The following DLG2 variants were observed in gnomAD, a reference collection of about 807,000 sequenced individuals.
DLG2 encodes the protein discs large MAGUK scaffold protein 2, also known as disks large homolog 2.
DLG2 carries 45 observed loss-of-function variants against 132.5 expected under a neutral mutation model. The ratio of observed to expected loss-of-function variants is 0.34; its 90% CI spans 0.27 to 0.44. The LOEUF is 0.44. DLG2 is among the 20% of genes least tolerant of loss of function. The pLI, the probability that DLG2 is intolerant of heterozygous loss-of-function variation, is 1.00. For missense variants in DLG2, 1,045 were observed against 1,196.9 expected (o/e 0.87, Z 1.87); for synonymous variants, 424 against 419.6 (o/e 1.01, Z -0.13).
intron 17 of DLG2, among the ~76,000 whole-genome samples, chr11:83,817,121 C>T (rs2049226167): frequency 6.6e-6 from 1 of 152,050 alleles, no homozygotes; most frequent in Non-Finnish European, 1.5e-5. Context: ...AAGCATTGTC[C>T]TGGCTTACAA....
rs536492103 is a variant in DLG2 at position 84,797,237 on chromosome 11, G to A, written c.358-262506C>T. ...TTGGGTTAAATCTGCTTGGTATTCT[G>A]TAACCTTCTAGGACTTGAATGTTTA... On this transcript the variant is annotated intron_variant, in intron 6 of 27. Coordinates refer to ENST00000376104, the MANE Select transcript of DLG2 (RefSeq NM_001142699.3). 2.0e-5 allele frequency among the ~76,000 whole-genome samples: 3 copies of A among 152,228 alleles called. No individual in the cohort carries two copies. In the South Asian group the frequency reaches 6.2e-4, roughly 32 times the overall value.
chr11:84,947,276 G>A (rs1013080460), intron 6 of DLG2, among the ~76,000 whole-genome samples: 1 of 152,086 alleles, frequency 6.6e-6, no homozygotes, highest in African/African-American at 2.4e-5. Context: ...CAGGGGTAGG[G>A]GGCGATCACT....
chr11:84,393,963 G>A (rs1487489489), intron 7 of DLG2, among the ~76,000 whole-genome samples: 2 of 151,958 alleles, frequency 1.3e-5, no homozygotes, highest in Non-Finnish European at 2.9e-5. Context: ...TTGGCTAACT[G>A]CAACCTCCAC....
At chr11:85,313,263 TG>T (rs2080431472) in intron 3 of DLG2, among the ~76,000 whole-genome samples, 2 of 152,016 alleles carry the variant, frequency 1.3e-5, no homozygotes, top group African/African-American at 4.8e-5. Flanking sequence ...ACCTACTTGT[TG>T]AAGATGGCAA....
intron 5 of DLG2, among the ~76,000 whole-genome samples, chr11:85,142,612 G>T (rs2076570417): frequency 6.6e-6 from 1 of 151,652 alleles, no homozygotes; most frequent in Non-Finnish European, 1.5e-5. Flanking sequence ...GAATAGCAGT[G>T]GTAAAAATGG....
chr11:83,503,077 A>T (rs761122586), intron 21 of DLG2, among the ~76,000 whole-genome samples: 8 of 151,906 alleles, frequency 5.3e-5, no homozygotes, highest in Non-Finnish European at 1.2e-4. Context: ...AATGACAGAG[A>T]TTTCTAAGTT....
At chr11:84,628,997 GC>G (rs1184967509) in intron 6 of DLG2, among the ~76,000 whole-genome samples, 1 of 152,140 alleles carries the variant, frequency 6.6e-6, no homozygotes, top group Non-Finnish European at 1.5e-5. Flanking sequence ...GTCTAGAACA[GC>G]CCCCATAGCT....
At chr11:85,617,693 G>T (rs182240799) in intron 2 of DLG2, among the ~76,000 whole-genome samples, 9 of 152,242 alleles carry the variant, frequency 5.9e-5, no homozygotes, top group African/African-American at 1.7e-4. Flanking sequence ...CCTTTTAAAA[G>T]AATTTTAGCT....
At chr11:85,499,941 A>G (rs2093758384) in intron 3 of DLG2, among the ~76,000 whole-genome samples, 2 of 152,186 alleles carry the variant, frequency 1.3e-5, no homozygotes, top group African/African-American at 4.8e-5. Context: ...TCAATGGAAC[A>G]TATCTCAATA....
chr11:83,580,255 G>T (rs2096947774), intron 19 of DLG2, among the ~76,000 whole-genome samples: 2 of 151,474 alleles, frequency 1.3e-5, no homozygotes, highest in East Asian at 3.9e-4. Flanking sequence ...CCTCTACTTT[G>T]GTTCCTTCCT....
chr11:85,599,873 A>C (rs1189941944), intron 2 of DLG2, among the ~76,000 whole-genome samples: 1 of 152,230 alleles, frequency 6.6e-6, no homozygotes, highest in Non-Finnish European at 1.5e-5. Flanking sequence ...TGAAAAAGTC[A>C]CTAGAGTTAT....
chr11:84,940,742 A>G (rs1005833817), intron 6 of DLG2, among the ~76,000 whole-genome samples: 2 of 152,042 alleles, frequency 1.3e-5, no homozygotes, highest in African/African-American at 4.8e-5. Flanking sequence ...ATGTGATCCT[A>G]TTTTACATTT....
intron 6 of DLG2, among the ~76,000 whole-genome samples, chr11:84,552,566 T>C (rs150241420): frequency 3.3e-5 from 5 of 152,328 alleles, no homozygotes; most frequent in South Asian, 2.1e-4. Context: ...TCAGAACTCA[T>C]AGTTACCTGT....
At chr11:84,519,327 G>A (rs748814728) in intron 7 of DLG2, among the ~76,000 whole-genome samples, 24 of 152,140 alleles carry the variant, frequency 1.6e-4, no homozygotes, top group Non-Finnish European at 3.5e-4. Flanking sequence ...TTAGCAAGTT[G>A]ATGGGGCAAT....
chr11:85,548,122 T>C (rs960811284), intron 3 of DLG2, among the ~76,000 whole-genome samples: 2 of 152,186 alleles, frequency 1.3e-5, no homozygotes, highest in Non-Finnish European at 2.9e-5. Flanking sequence ...TCTTCATGGA[T>C]TTATTTACCT....
chr11:85,562,351 G>A (rs1449101144), intron 3 of DLG2, among the ~76,000 whole-genome samples: 2 of 151,762 alleles, frequency 1.3e-5, no homozygotes, highest in Non-Finnish European at 2.9e-5. Flanking sequence ...GTATCAGTGA[G>A]AAGAGAAAAT....
At chr11:85,134,957 T>C (rs2152419598) in intron 5 of DLG2, among the ~76,000 whole-genome samples, 1 of 152,314 alleles carries the variant, frequency 6.6e-6, no homozygotes, top group African/African-American at 2.4e-5. Flanking sequence ...TCTGGTCCAT[T>C]CCATTAGGTA....
At chr11:85,565,039 A>G (rs1001139774) in intron 3 of DLG2, among the ~76,000 whole-genome samples, 2 of 152,016 alleles carry the variant, frequency 1.3e-5, no homozygotes, top group Non-Finnish European at 2.9e-5. Flanking sequence ...TATCACCAGT[A>G]TATAAAACAA....
intron 18 of DLG2, among the ~76,000 whole-genome samples, chr11:83,649,855 T>A (rs931212251): frequency 3.3e-5 from 5 of 152,196 alleles, no homozygotes; most frequent in African/African-American, 1.2e-4. Flanking sequence ...TTTCTATAGA[T>A]ATTCCTTAAT....
Sources: allele counts gnomAD v4.1 joint callset (sites outside exome capture counted in the v4.1 genomes callset), GRCh38; gene constraint gnomAD v4.1.1; transcripts MANE v1.5; gene names NCBI Gene and HGNC (gene_info 2026-07-23, HGNC 2026-07-21).